Variants in TTC38 observed in about 807,000 individuals in gnomAD.
TTC38 encodes tetratricopeptide repeat protein 38.
Under a neutral mutation model 64.2 loss-of-function variants are expected in TTC38, and 64 were observed. The ratio of observed to expected loss-of-function variants is 1.00; its 90% CI spans 0.81 to 1.23. The LOEUF (loss-of-function observed/expected upper bound fraction) is 1.23, where lower values mean the gene tolerates loss of function less well. TTC38 is among the 50% of genes most tolerant of loss of function. The pLI, the probability that TTC38 is intolerant of heterozygous loss-of-function variation, is 0.00. For missense variants in TTC38, 573 were observed against 615.5 expected, an observed-to-expected ratio of 0.93 and a Z score of 0.73; for synonymous variants, 254 against 249.3, an observed-to-expected ratio of 1.02 and a Z score of -0.18.
chr22:46,283,908 A>G, intron 7 of TTC38, 65 bp from the exon 8 acceptor site: 1 of 1,086,662 alleles, frequency 9.2e-7, no homozygotes, highest in South Asian at 1.4e-5. Context: ...GCACAAAACA[A>G]CATTTGTTTT....
rs748925716 is a variant in TTC38 at position 46,278,630 on chromosome 22, TC to T, written c.585del (p.Tyr196ThrfsTer31). On this transcript the variant is annotated frameshift_variant, in exon 6 of 14. Coordinates refer to ENST00000381031, the MANE Select transcript of TTC38 (RefSeq NM_017931.4). LOFTEE classifies it high-confidence loss of function. ...IYSFGLMETN[F>X]YDQAEKLAKE... ...TCTTTTGGCTTGATGGAAACCAACTTCTACGACCAGGCAGAAAAACTCGCCA... is the reference window on the plus strand; with the variant it reads ...TCTTTTGGCTTGATGGAAACCAACTTTACGACCAGGCAGAAAAACTCGCCA... 1.2e-6 allele frequency: 2 copies of T among 1,614,046 alleles called. No homozygotes were observed. The highest frequency in any genetic ancestry group is 2.7e-5 in the African/African-American group (2 of 74,924).
chr22:46,283,851 C>CA (rs58477670), intron 7 of TTC38, 122 bp from the exon 8 acceptor site: 10,484 of 209,090 alleles, frequency 0.05, 196 homozygotes, highest in South Asian at 0.068. Flanking sequence ...GACTTAGTCT[C>CA]AAAAAAAAAA....
chr22:46,288,693 G>A (rs895113994), intron 11 of TTC38, 105 bp downstream of exon 11: 1 of 1,182,864 alleles, frequency 8.5e-7, no homozygotes, highest in East Asian at 2.4e-5. Context: ...CCGCCTGTGA[G>A]TGCAGCAGGG....
chr22:46,274,626 C>T lies in TTC38; in HGVS notation c.365+557C>T, dbSNP rs373367668. Reference sequence around the variant, plus strand: ...TCCGAACCCTGAGACTGGGGAGGTGCGGCCTGGTCTTCCTGGTAAGTCAGC... The same window carrying T: ...TCCGAACCCTGAGACTGGGGAGGTGTGGCCTGGTCTTCCTGGTAAGTCAGC... On this transcript the variant is annotated intron_variant, in intron 4 of 13. Transcript: ENST00000381031. This position sits in a 1 kb window ranked among gnomAD's most constrained non-coding sequence, Gnocchi z 4.8. Among the ~76,000 whole-genome samples, 33 of 152,312 alleles carry T rather than the reference C, an allele frequency of 2.2e-4. No homozygotes were observed. The East Asian group carries it at 5.0e-3, about 23-fold the overall frequency.
At position 46,272,250 on chromosome 22, in the gene TTC38, C is replaced by A; in HGVS notation, c.112-85C>A. ...AGATGTTCTGCCCGCCTCGGCCTCC[C>A]AAAGTGTAAACCTGGATTTAGAGCC... On this transcript the variant is annotated intron_variant, in intron 2 of 13. Coordinates refer to ENST00000381031, the MANE Select transcript of TTC38 (RefSeq NM_017931.4). This position sits in a 1 kb window ranked among gnomAD's most constrained non-coding sequence, Gnocchi z 6.4. 8.5e-7 allele frequency: 1 copy of A among 1,180,230 alleles called. No homozygotes were observed. The highest frequency in any genetic ancestry group is 1.3e-5 in the South Asian group (1 of 79,152). The allele number at this position is 1,180,230 out of a possible 1,614,324, so 73.1% of individuals were successfully genotyped here. A position where few individuals can be genotyped will look rare whatever the true frequency, so the allele number is the denominator to read the frequency against.
chr22:46,281,791 G>C lies in TTC38; in HGVS notation c.735+73G>C. 1.3e-6 allele frequency: 2 copies of C among 1,595,482 alleles called. No homozygotes were observed. Among genetic ancestry groups the C allele is most frequent in the South Asian group, 2.2e-5 (2 of 90,450 alleles). On this transcript the variant is annotated intron_variant, in intron 7 of 13. Transcript: ENST00000381031. This position sits in a 1 kb window ranked among gnomAD's most constrained non-coding sequence, Gnocchi z 5.2. ...CCCTTGAGTCAGGCCAAGGCTTTATGGACAAGAGTTACAGGGCATGGCTTA... is the reference window on the plus strand; with the variant it reads ...CCCTTGAGTCAGGCCAAGGCTTTATCGACAAGAGTTACAGGGCATGGCTTA...
At chr22:46,286,720 T>C (rs1009335662) in intron 9 of TTC38, among the ~76,000 whole-genome samples, 2 of 149,308 alleles carry the variant, frequency 1.3e-5, no homozygotes, top group African/African-American at 5.0e-5. Flanking sequence ...GAGCTCGAGG[T>C]GGGCTCCTCA....
chr22:46,286,914 G>A (rs1253889084), intron 9 of TTC38, among the ~76,000 whole-genome samples, 159 bp from the exon 10 acceptor site: 1 of 152,214 alleles, frequency 6.6e-6, no homozygotes, highest in Non-Finnish European at 1.5e-5. Context: ...TACACCCCAG[G>A]CAAGGGTGAT....
At chr22:46,279,048 G>A (rs757307341) in intron 6 of TTC38, among the ~76,000 whole-genome samples, 25 of 152,242 alleles carry the variant, frequency 1.6e-4, no homozygotes, top group Non-Finnish European at 3.2e-4. Context: ...TGTAGGAGGA[G>A]AAGTGTAAAT....
intron 8 of TTC38, among the ~76,000 whole-genome samples, chr22:46,284,885 AAAAAAG>A (rs1569023651): frequency 1.3e-5 from 2 of 151,778 alleles, no homozygotes; most frequent in Admixed American, 6.6e-5. Context: ...AAAAAAAAAA[AAAAAAG>A]AAAAAGGCTA....
chr22:46,289,586 G>T, intron 12 of TTC38, 25 bp downstream of exon 12: 1 of 1,559,282 alleles, frequency 6.4e-7, no homozygotes, highest in Non-Finnish European at 8.7e-7. Flanking sequence ...GCCAGCTGGG[G>T]TGCCTAGGGC....
At position 46,292,965 on chromosome 22, in the gene TTC38, C is replaced by A; in HGVS notation, c.*81C>A. The A allele has an allele frequency of 9.0e-7, 1 of 1,115,884 alleles. No individual in the cohort carries two copies. The highest frequency in any genetic ancestry group is 1.4e-6 in the Non-Finnish European group (1 of 738,182). The allele number at this position is 1,115,884 out of a possible 1,614,324, so 69.1% of individuals were successfully genotyped here. On this transcript the variant is annotated 3_prime_UTR_variant, in exon 14 of 14. Coordinates refer to ENST00000381031, the MANE Select transcript of TTC38 (RefSeq NM_017931.4). The surrounding 1 kb of genome is among the most constrained non-coding windows in gnomAD (Gnocchi z 6.5). ...GTCAGCTGCTCCACCGGGTTAGGGT[C>A]AGGAGACGGCCAGAGCCTGTTTGTT...
intron 6 of TTC38, among the ~76,000 whole-genome samples, chr22:46,279,666 C>G (rs1387250228): frequency 2.0e-5 from 3 of 152,226 alleles, no homozygotes; most frequent in African/African-American, 7.2e-5. Context: ...GAAGACTGCT[C>G]TGATTACAGA....
intron 1 of TTC38, among the ~76,000 whole-genome samples, chr22:46,268,273 C>T (rs1422328984): frequency 6.6e-6 from 1 of 152,256 alleles, no homozygotes; most frequent in African/African-American, 2.4e-5. Context: ...TAAGGGACGC[C>T]TGTCAGGGTA....
chr22:46,275,106 CCA>C lies in TTC38; in HGVS notation c.366-140_366-139del, dbSNP rs1936978487. 2 of 773,490 alleles carry C rather than the reference CCA, an allele frequency of 2.6e-6. No homozygotes were observed. Among genetic ancestry groups the C allele is most frequent in the Non-Finnish European group, 4.0e-6 (2 of 495,434 alleles). The allele number at this position is 773,490 out of a possible 1,614,324, so 47.9% of individuals were successfully genotyped here. On this transcript the variant is annotated intron_variant, in intron 4 of 13. Transcript: ENST00000381031. The surrounding 1 kb of genome is among the most constrained non-coding windows in gnomAD (Gnocchi z 4.5). ...AAAGTGCTGGGATTACAGGCATAAG[CCA>C]CCGCACCCAGTCAGAAACTGATTTT...
At chr22:46,286,929 C>T in intron 9 of TTC38, 144 bp from the exon 10 acceptor site, 2 of 606,232 alleles carry the variant, frequency 3.3e-6, no homozygotes, top group Non-Finnish European at 5.9e-6. Flanking sequence ...GGTGATGGGC[C>T]TGTCAGTTGA....
In TTC38 at chr22:46,276,653, C is replaced by G. The variant is rs12170188; in HGVS notation, c.539+1232C>G. On this transcript the variant is annotated intron_variant, in intron 5 of 13. Coordinates refer to ENST00000381031, the MANE Select transcript of TTC38 (RefSeq NM_017931.4). The surrounding 1 kb of genome is among the most constrained non-coding windows in gnomAD (Gnocchi z 4.7). ...TTTGAGGCTGCAGTGAGCTGGCGAT[C>G]ATGCCACTGCACTCAGCCTGGGCAG... Among the ~76,000 whole-genome samples the G allele has an allele frequency of 0.011, 1,646 of 150,962 alleles. 33 individuals carry two copies. Among genetic ancestry groups the G allele is most frequent in the African/African-American group, 0.037 (1,534 of 41,108 alleles).
chr22:46,271,755 C>T lies in TTC38; in HGVS notation c.112-580C>T, dbSNP rs1028891920. Among the ~76,000 whole-genome samples the T allele has an allele frequency of 2.0e-5, 3 of 152,202 alleles. No individual in the cohort carries two copies. The highest frequency in any genetic ancestry group is 7.2e-5 in the African/African-American group (3 of 41,450). On this transcript the variant is annotated intron_variant, in intron 2 of 13. Coordinates refer to ENST00000381031, the MANE Select transcript of TTC38 (RefSeq NM_017931.4). The surrounding 1 kb of genome is among the most constrained non-coding windows in gnomAD (Gnocchi z 5.5). ...CAAACTCCTGCCCTCAAGTGATCCACCCGCCTCAGTCTTCCAAAGTACTGG... is the reference window on the plus strand; with the variant it reads ...CAAACTCCTGCCCTCAAGTGATCCATCCGCCTCAGTCTTCCAAAGTACTGG...
At chr22:46,289,600 G>C in intron 12 of TTC38, 39 bp downstream of exon 12, 1 of 1,553,990 alleles carries the variant, frequency 6.4e-7, no homozygotes, top group Non-Finnish European at 8.7e-7. Flanking sequence ...CTAGGGCCTG[G>C]GCCAGGGAGT....
Sources: allele counts gnomAD v4.1 joint callset (sites outside exome capture counted in the v4.1 genomes callset), GRCh38; gene constraint gnomAD v4.1.1; non-coding constraint Gnocchi (gnomAD v3.1); transcripts MANE v1.5; gene names NCBI Gene and HGNC (gene_info 2026-07-23, HGNC 2026-07-21).